Variants in ATP2A3 observed in about 807,000 individuals in gnomAD.
ATP2A3 encodes the protein ATPase sarcoplasmic/endoplasmic reticulum Ca2+ transporting 3.
Under a neutral mutation model 106.8 loss-of-function variants are expected in ATP2A3, and 61 were observed. The observed-to-expected ratio is 0.57, with a 90% confidence interval of 0.46 to 0.71. The LOEUF is 0.71. ATP2A3 is among the 30% of genes least tolerant of loss of function. The probability of loss-of-function intolerance (pLI) is 0.00; values close to 1 mark genes in which losing one functional copy is unlikely to be tolerated. For missense variants in ATP2A3, 1,201 were observed against 1,423.5 expected, an observed-to-expected ratio of 0.84 and a Z score of 2.52; for synonymous variants, 611 against 609.3, an observed-to-expected ratio of 1.00 and a Z score of -0.04.
intron 1 of ATP2A3, among the ~76,000 whole-genome samples, chr17:3,960,529 G>A (rs1349809587): frequency 6.6e-6 from 1 of 152,218 alleles, no homozygotes; most frequent in Non-Finnish European, 1.5e-5. Context: ...GGTCTCCAGG[G>A]ACTTTAGCTA....
intron 16 of ATP2A3, 41 bp from the exon 17 acceptor site, chr17:3,935,318 G>A (rs759058010): frequency 6.3e-7 from 1 of 1,579,552 alleles, no homozygotes; most frequent in South Asian, 1.1e-5. Context: ...GAATGGCGGT[G>A]GTTTTCTGGC....
intron 14 of ATP2A3, among the ~76,000 whole-genome samples, chr17:3,938,441 T>C (rs1456684627): frequency 6.6e-6 from 1 of 151,348 alleles, no homozygotes; most frequent in African/African-American, 2.4e-5. Context: ...CTAAAAAAAT[T>C]GAAGGCCAGA....
chr17:3,931,946 T>C (rs2053126130), intron 17 of ATP2A3, among the ~76,000 whole-genome samples: 2 of 152,174 alleles, frequency 1.3e-5, no homozygotes, highest in Admixed American at 1.3e-4. Flanking sequence ...TTTCCCACAC[T>C]GCACAAATGC....
At chr17:3,937,182 CAGG>C (rs1433631629) in intron 15 of ATP2A3, 2 of 576,490 alleles carry the variant, frequency 3.5e-6, no homozygotes, top group African/African-American at 3.7e-5. Flanking sequence ...GGCGACTCTT[CAGG>C]CACCTCCGTG....
At position 3,950,419 on chromosome 17, in the gene ATP2A3, C is replaced by T. The variant is rs145150537; in HGVS notation, c.630+92G>A. On this transcript the variant is annotated intron_variant, in intron 7 of 20. Transcript: ENST00000397041. Reference sequence around the variant, plus strand: ...CCTCAGGTGATCCACCCACCTCAGCCTCCCAAAGTGCTGGGATTACAGGCG... The same window carrying T: ...CCTCAGGTGATCCACCCACCTCAGCTTCCCAAAGTGCTGGGATTACAGGCG... The T allele has an allele frequency of 5.4e-4, 756 of 1,403,218 alleles. 12 individuals are homozygous for T. In the East Asian group the frequency reaches 0.017, roughly 32 times the overall value. The allele number at this position is 1,403,218 out of a possible 1,614,324, so 86.9% of individuals were successfully genotyped here.
intron 7 of ATP2A3, among the ~76,000 whole-genome samples, chr17:3,949,646 T>C (rs181884482): frequency 1.3e-5 from 2 of 152,362 alleles, no homozygotes; most frequent in East Asian, 3.9e-4. Context: ...AATCTCTCTG[T>C]GCTTGTTTCT....
chr17:3,945,915 C>G (rs573268446), intron 8 of ATP2A3, among the ~76,000 whole-genome samples: 1 of 152,208 alleles, frequency 6.6e-6, no homozygotes, highest in African/African-American at 2.4e-5. Context: ...GCATCCAGCA[C>G]GTAAGGCCCC....
intron 14 of ATP2A3, among the ~76,000 whole-genome samples, chr17:3,939,777 G>A (rs942709005): frequency 5.0e-5 from 5 of 100,276 alleles, no homozygotes; most frequent in African/African-American, 2.1e-4. Context: ...GACAGAGCGA[G>A]ACTCTGTCTA....
chr17:3,959,731 T>C (rs986304289), intron 1 of ATP2A3, among the ~76,000 whole-genome samples: 2 of 152,204 alleles, frequency 1.3e-5, no homozygotes, highest in Non-Finnish European at 2.9e-5. Context: ...CCAGCCCACC[T>C]GGCCCTGCCT....
intron 4 of ATP2A3, 35 bp downstream of exon 4, chr17:3,951,546 G>T: frequency 1.5e-6 from 2 of 1,319,566 alleles, no homozygotes; most frequent in South Asian, 1.3e-5. Flanking sequence ...CTGGGAGACC[G>T]CCCCCCGCCC....
intron 5 of ATP2A3, 39 bp downstream of exon 5, chr17:3,951,212 T>A: frequency 7.1e-6 from 9 of 1,267,706 alleles, no homozygotes; most frequent in Non-Finnish European, 9.1e-6. Flanking sequence ...AATAAATAAA[T>A]AAAATAAAAT....
intron 1 of ATP2A3, among the ~76,000 whole-genome samples, chr17:3,963,844 G>A (rs779174139): frequency 2.9e-4 from 44 of 152,286 alleles, no homozygotes; most frequent in Non-Finnish European, 5.0e-4. Flanking sequence ...GCGGCGCGGC[G>A]TTGGGGTGGA....
rs1238888566 is a variant in ATP2A3, at chr17:3,947,833, T to C, written c.653A>G (p.Lys218Arg). The C allele has an allele frequency of 6.3e-7, 1 of 1,598,742 alleles. No homozygotes were observed. The highest frequency in any genetic ancestry group is 1.3e-5 in the African/African-American group (1 of 74,936). The change falls in exon 8 of 21, where the codon AAA (lysine) becomes AGA (arginine). Residue 218 changes from lysine (K) to arginine (R), a missense_variant. This residue lies in a region of ATP2A3 where 935 missense variants were observed against 1,176.7 expected (regional missense o/e 0.79). Transcript: ENST00000397041. The surrounding 1 kb of genome is among the most constrained non-coding windows in gnomAD (Gnocchi z 7.7). Reference protein sequence around the residue: ...LFSGTNITSGKAVGVAVATGL... With the variant: ...LFSGTNITSGRAVGVAVATGL... ...GGTGGCCACGGCCACACCCACCGCTTTGCCCGATGTGATATTGGTGCCCTG... is the reference window on the plus strand; with the variant it reads ...GGTGGCCACGGCCACACCCACCGCTCTGCCCGATGTGATATTGGTGCCCTG...
chr17:3,931,683 GGCTAA>G (rs2053104603), intron 17 of ATP2A3, among the ~76,000 whole-genome samples: 1 of 151,966 alleles, frequency 6.6e-6, no homozygotes, highest in Non-Finnish European at 1.5e-5. Flanking sequence ...CACCACGCCC[GGCTAA>G]TTTTTTGTAT....
chr17:3,958,749 CAT>C (rs1324305760), intron 1 of ATP2A3, among the ~76,000 whole-genome samples: 11 of 134,888 alleles, frequency 8.2e-5, no homozygotes, highest in African/African-American at 2.0e-4. Flanking sequence ...TATAGACACA[CAT>C]ATATATACAC....
At chr17:3,927,826 C>G in intron 20 of ATP2A3, 1 of 985,458 alleles carries the variant, frequency 1.0e-6, no homozygotes, top group Non-Finnish European at 1.2e-6. Flanking sequence ...CCTCCACCCA[C>G]TCCCCTGGGG....
chr17:3,925,142 C>T lies in ATP2A3; in HGVS notation c.*280G>A, dbSNP rs970246041. The T allele has an allele frequency of 6.8e-6, 4 of 591,684 alleles. No homozygotes were observed. In the African/African-American group the frequency reaches 7.5e-5, roughly 11 times the overall value. The allele number at this position is 591,684 out of a possible 1,614,324, so 36.7% of individuals were successfully genotyped here. A position where few individuals can be genotyped will look rare whatever the true frequency, so the allele number is the denominator to read the frequency against. On this transcript the variant is annotated 3_prime_UTR_variant, in exon 21 of 21. Transcript: ENST00000397041. This position sits in a 1 kb window ranked among gnomAD's most constrained non-coding sequence, Gnocchi z 4.2. ...CCAGCTCCGGCTTCTTGGCTGCCCCCTCCCAGCCTGCAGCTCCTGGGCCAG... is the reference window on the plus strand; with the variant it reads ...CCAGCTCCGGCTTCTTGGCTGCCCCTTCCCAGCCTGCAGCTCCTGGGCCAG...
At position 3,926,994 on chromosome 17, in the gene ATP2A3, C is replaced by T. The variant is rs2052744668; in HGVS notation, c.2981-1553G>A. On this transcript the variant is annotated intron_variant, in intron 20 of 20. Coordinates refer to ENST00000397041, the MANE Select transcript of ATP2A3 (RefSeq NM_005173.4). The surrounding 1 kb of genome is among the most constrained non-coding windows in gnomAD (Gnocchi z 4.6). ...AGGGTCTCTACCTTGGCACTCAAGG[C>T]CCTTGCCCCTGCCGGGCCTCACCCC... 1 of 985,358 alleles carries T rather than the reference C, an allele frequency of 1.0e-6. No individual in the cohort carries two copies. The highest frequency in any genetic ancestry group is 4.7e-5 in the South Asian group (1 of 21,294). 61.0% of individuals were successfully genotyped at this position (985,358 alleles called of 1,614,324 possible).
Position 3,947,917 on chromosome 17 carries a change from G to T in ATP2A3, c.631-62C>A. Reference sequence around the variant, plus strand: ...AGCCAACCAGGGGCCCAGGACCCCTGACTCCTTCAGGCCGGAATAAGGCAC... The same window carrying T: ...AGCCAACCAGGGGCCCAGGACCCCTTACTCCTTCAGGCCGGAATAAGGCAC... On this transcript the variant is annotated intron_variant, in intron 7 of 20. Coordinates refer to ENST00000397041, the MANE Select transcript of ATP2A3 (RefSeq NM_005173.4). This position sits in a 1 kb window ranked among gnomAD's most constrained non-coding sequence, Gnocchi z 7.7. 6.6e-7 allele frequency: 1 copy of T among 1,517,796 alleles called. No homozygotes were observed. Among genetic ancestry groups the T allele is most frequent in the South Asian group, 1.1e-5 (1 of 88,488 alleles). The allele number at this position is 1,517,796 out of a possible 1,614,324, so 94.0% of individuals were successfully genotyped here.
Sources: allele counts gnomAD v4.1 joint callset (sites outside exome capture counted in the v4.1 genomes callset), GRCh38; gene constraint gnomAD v4.1.1; regional missense constraint gnomAD v4.1.1; non-coding constraint Gnocchi (gnomAD v3.1); transcripts MANE v1.5; gene names NCBI Gene and HGNC (gene_info 2026-07-23, HGNC 2026-07-21).